LRRTM4: variants seen among roughly 807,000 people sequenced by gnomAD.
LRRTM4 encodes the protein leucine rich repeat transmembrane neuronal 4, also known as leucine-rich repeat transmembrane neuronal protein 4.
LRRTM4 carries 25 observed loss-of-function variants against 47.6 expected under a neutral mutation model. That is an observed-to-expected ratio of 0.53 (90% CI 0.38 to 0.73). The LOEUF (loss-of-function observed/expected upper bound fraction) is 0.73. Among genes scored for constraint, LRRTM4 ranks in the 30% least tolerant of loss-of-function variants. The pLI is 0.00. For missense variants in LRRTM4, 638 were observed against 713.4 expected (o/e 0.89, Z 1.20); for synonymous variants, 311 against 269.5 (o/e 1.15, Z -1.51).
chr2:77,056,335 T>C (rs1053365342), intron 3 of LRRTM4, among the ~76,000 whole-genome samples: 37 of 152,280 alleles, frequency 2.4e-4, no homozygotes, highest in African/African-American at 8.7e-4. Context: ...TAAATTTGTA[T>C]TTTCCACTAG....
At chr2:77,282,691 A>G (rs1390125647) in intron 3 of LRRTM4, among the ~76,000 whole-genome samples, 1 of 151,968 alleles carries the variant, frequency 6.6e-6, no homozygotes, top group Non-Finnish European at 1.5e-5. Context: ...AATAAGTTGA[A>G]CACCTACAAC....
intron 3 of LRRTM4, among the ~76,000 whole-genome samples, chr2:76,754,545 A>T (rs1034846554): frequency 1.3e-5 from 2 of 152,196 alleles, no homozygotes; most frequent in African/African-American, 4.8e-5. Flanking sequence ...TAGTTTCAGC[A>T]TGTTATCTTC....
intron 3 of LRRTM4, among the ~76,000 whole-genome samples, chr2:77,406,296 A>G (rs537947462): frequency 1.3e-5 from 2 of 152,256 alleles, no homozygotes; most frequent in East Asian, 1.9e-4. Context: ...AATAGACTCT[A>G]TAACAGGGAC....
intron 3 of LRRTM4, among the ~76,000 whole-genome samples, chr2:76,849,185 G>A (rs376380791): frequency 1.7e-4 from 26 of 152,190 alleles, no homozygotes; most frequent in African/African-American, 6.0e-4. Flanking sequence ...AATGTGGGGG[G>A]TGACAGTGCA....
In LRRTM4 at chr2:76,918,841, A is replaced by G. The variant is rs13390834; in HGVS notation, c.1552-169925T>C. On this transcript the variant is annotated intron_variant, in intron 3 of 3. Coordinates refer to ENST00000409884, the MANE Select transcript of LRRTM4 (RefSeq NM_001134745.3). ...AGATTTCCCTCTGTTAAGAGCATGA[A>G]TAAGAATGTCATCCACGATGTATTC... Among the ~76,000 whole-genome samples the G allele has an allele frequency of 4.3e-3, 650 of 152,304 alleles. 1 individual carries two copies. Among genetic ancestry groups the G allele is most frequent in the African/African-American group, 0.015 (629 of 41,566 alleles).
chr2:77,433,256 G>A (rs961409107), intron 3 of LRRTM4, among the ~76,000 whole-genome samples: 1 of 152,134 alleles, frequency 6.6e-6, no homozygotes, highest in South Asian at 2.1e-4. Flanking sequence ...AACTTGAGCA[G>A]AACTGCCCAT....
intron 3 of LRRTM4, among the ~76,000 whole-genome samples, chr2:77,086,826 A>G (rs559106481): frequency 1.2e-4 from 18 of 152,182 alleles, no homozygotes; most frequent in Admixed American, 1.3e-4. Flanking sequence ...CTGCTTGGTA[A>G]AAGCCTGTTA....
At chr2:77,117,526 C>T (rs4853299) in intron 3 of LRRTM4, among the ~76,000 whole-genome samples, 92,884 of 151,408 alleles carry the variant, frequency 0.61, 29,473 homozygotes, top group African/African-American at 0.78. Context: ...TCTTTTTTTT[C>T]CCCAAAACCT....
intron 3 of LRRTM4, among the ~76,000 whole-genome samples, chr2:77,429,820 C>G (rs946059469): frequency 6.6e-6 from 1 of 152,130 alleles, no homozygotes. Context: ...AATCACAGCA[C>G]TTTGTGAGGC....
At chr2:76,780,829 G>A (rs1203595836) in intron 3 of LRRTM4, among the ~76,000 whole-genome samples, 1 of 151,826 alleles carries the variant, frequency 6.6e-6, no homozygotes, top group East Asian at 1.9e-4. Context: ...GAGGAGGAGA[G>A]GTGCTCTGCT....
chr2:77,519,908 A>G lies in LRRTM4; in HGVS notation c.5-44T>C, dbSNP rs1378483939. ...GACAGATGCACATTGTGAAGCTATT[A>G]AAATAAATCACCGTCGGTTTACCAA... On this transcript the variant is annotated intron_variant, in intron 2 of 3. Coordinates refer to ENST00000409884, the MANE Select transcript of LRRTM4 (RefSeq NM_001134745.3). The surrounding 1 kb of genome is among the most constrained non-coding windows in gnomAD (Gnocchi z 4.6). The G allele has an allele frequency of 1.3e-6, 2 of 1,498,136 alleles. No individual in the cohort carries two copies. The highest frequency in any genetic ancestry group is 2.3e-5 in the Admixed American group (1 of 42,952). The allele number at this position is 1,498,136 out of a possible 1,614,324, so 92.8% of individuals were successfully genotyped here. A position where few individuals can be genotyped will look rare whatever the true frequency, so the allele number is the denominator to read the frequency against.
intron 3 of LRRTM4, among the ~76,000 whole-genome samples, chr2:76,972,140 A>G (rs1273729424): frequency 6.6e-6 from 1 of 152,010 alleles, no homozygotes; most frequent in East Asian, 1.9e-4. Context: ...TCCACAGAAT[A>G]GTTTGTCTTA....
At chr2:77,019,275 A>AAAAAAAAT (rs1390544509) in intron 3 of LRRTM4, among the ~76,000 whole-genome samples, 1 of 150,890 alleles carries the variant, frequency 6.6e-6, no homozygotes, top group African/African-American at 2.4e-5. Context: ...AAAAAAAAAA[A>AAAAAAAAT]ATATAAGAAG....
chr2:77,222,980 C>A (rs1573100519), intron 3 of LRRTM4, among the ~76,000 whole-genome samples: 1 of 152,206 alleles, frequency 6.6e-6, no homozygotes, highest in Admixed American at 6.5e-5. Flanking sequence ...CAAACTGAAT[C>A]CAGCAACATA....
At chr2:77,059,176 C>T (rs1679704281) in intron 3 of LRRTM4, among the ~76,000 whole-genome samples, 1 of 152,104 alleles carries the variant, frequency 6.6e-6, no homozygotes, top group South Asian at 2.1e-4. Context: ...ATACTTGAAT[C>T]AAAGGAACTA....
At chr2:77,234,544 A>G (rs1278982756) in intron 3 of LRRTM4, among the ~76,000 whole-genome samples, 1 of 152,192 alleles carries the variant, frequency 6.6e-6, no homozygotes. Flanking sequence ...AAATATTGTA[A>G]TTATATGCTA....
intron 3 of LRRTM4, among the ~76,000 whole-genome samples, chr2:77,126,552 A>T (rs1365728744): frequency 6.6e-6 from 1 of 152,158 alleles, no homozygotes; most frequent in African/African-American, 2.4e-5. Context: ...TACAACAGAG[A>T]CTATTTAAGA....
In LRRTM4 at chr2:77,438,372, T is replaced by C. The variant is rs553276936; in HGVS notation, c.1551+79946A>G. Reference sequence around the variant, plus strand: ...AATAGGTTGGAATCTAAAAGCTACATTTTCGCTCTCGATCATGATAATTTT... The same window carrying C: ...AATAGGTTGGAATCTAAAAGCTACACTTTCGCTCTCGATCATGATAATTTT... On this transcript the variant is annotated intron_variant, in intron 3 of 3. Transcript: ENST00000409884. 1.7e-4 allele frequency among the ~76,000 whole-genome samples: 25 copies of C among 151,344 alleles called. No individual in the cohort carries two copies. In the East Asian group the frequency reaches 4.7e-3, roughly 28 times the overall value.
At chr2:77,244,676 A>T (rs567905143) in intron 3 of LRRTM4, among the ~76,000 whole-genome samples, 122 of 152,256 alleles carry the variant, frequency 8.0e-4, no homozygotes, top group Admixed American at 9.2e-4. Flanking sequence ...AAAATGTGGC[A>T]AAAGTTATGG....
Sources: allele counts gnomAD v4.1 joint callset (sites outside exome capture counted in the v4.1 genomes callset), GRCh38; gene constraint gnomAD v4.1.1; non-coding constraint Gnocchi (gnomAD v3.1); transcripts MANE v1.5; gene names NCBI Gene and HGNC (gene_info 2026-07-23, HGNC 2026-07-21).